Variants in SLC22A9 observed in about 807,000 individuals in gnomAD.
SLC22A9 encodes the protein organic anion transporter 7.
In SLC22A9, 64 loss-of-function variants were observed where a neutral mutation model predicts 50.1. The observed-to-expected ratio is 1.28, with a 90% confidence interval of 1.04 to 1.57. The LOEUF (loss-of-function observed/expected upper bound fraction) is 1.57. Ranked by LOEUF, SLC22A9 falls within the 40% of genes most tolerant of loss-of-function variation. SLC22A9 has a pLI of 0.00. For synonymous variants in SLC22A9, 261 were observed against 242.5 expected (o/e 1.08, Z -0.71); for missense variants, 757 against 676.1 (o/e 1.12, Z -1.33).
Position 63,373,891 on chromosome 11 carries a change from CA to C in SLC22A9, c.662-2del. On this transcript the variant is annotated splice_acceptor_variant, in intron 3 of 9. Coordinates refer to ENST00000279178, the MANE Select transcript of SLC22A9 (RefSeq NM_080866.3). LOFTEE classifies it high-confidence loss of function. Reference sequence around the variant, plus strand: ...TCAAAGCCTTATCTGTTTTTTCTTCCAGTAGCCGAGTGGGCAACACACAGAT... The same window carrying C: ...TCAAAGCCTTATCTGTTTTTTCTTCCGTAGCCGAGTGGGCAACACACAGAT... 1 of 1,610,776 alleles carries C rather than the reference CA, an allele frequency of 6.2e-7. No individual in the cohort carries two copies. The highest frequency in any genetic ancestry group is 8.5e-7 in the Non-Finnish European group (1 of 1,178,768).
intron 9 of SLC22A9, 142 bp from the exon 10 acceptor site, chr11:63,409,660 A>C: frequency 1.3e-6 from 1 of 767,796 alleles, no homozygotes; most frequent in Non-Finnish European, 2.1e-6. Flanking sequence ...AGGTTTACTC[A>C]ATCCCTTGGG....
chr11:63,399,763 A>G (rs2014923196), intron 6 of SLC22A9, among the ~76,000 whole-genome samples: 1 of 152,124 alleles, frequency 6.6e-6, no homozygotes, highest in African/African-American at 2.4e-5. Flanking sequence ...CCATCAGCAC[A>G]TGCAGCATTC....
At chr11:63,407,849 T>A (rs1374103233) in intron 7 of SLC22A9, among the ~76,000 whole-genome samples, 1 of 152,214 alleles carries the variant, frequency 6.6e-6, no homozygotes, top group Non-Finnish European at 1.5e-5. Context: ...CACGCCTCTC[T>A]CTTGCTATGG....
chr11:63,373,599 C>G, intron 2 of SLC22A9, 45 bp from the exon 3 acceptor site: 1 of 1,468,928 alleles, frequency 6.8e-7, no homozygotes, highest in Non-Finnish European at 9.0e-7. Flanking sequence ...AGTTTTTCCA[C>G]TTGTTGTTAT....
chr11:63,380,012 G>A (rs375910048), intron 5 of SLC22A9, among the ~76,000 whole-genome samples: 35 of 152,000 alleles, frequency 2.3e-4, no homozygotes, highest in Admixed American at 1.6e-3. Flanking sequence ...GATTACAAGC[G>A]TAAGCCATCG....
chr11:63,405,516 T>A (rs892507094), intron 6 of SLC22A9, among the ~76,000 whole-genome samples: 1 of 152,134 alleles, frequency 6.6e-6, no homozygotes, highest in Non-Finnish European at 1.5e-5. Context: ...AACAAAACCA[T>A]CACGAGGTTA....
At chr11:63,402,614 AC>A (rs1005100859) in intron 6 of SLC22A9, among the ~76,000 whole-genome samples, 10 of 151,842 alleles carry the variant, frequency 6.6e-5, no homozygotes, top group Admixed American at 1.3e-4. Flanking sequence ...TGTGACATTT[AC>A]CCATGTAACA....
chr11:63,408,092 T>C lies in SLC22A9; in HGVS notation c.1289-20T>C. 1.9e-6 allele frequency: 3 copies of C among 1,603,564 alleles called. No homozygotes were observed. Among genetic ancestry groups the C allele is most frequent in the Non-Finnish European group, 2.6e-6 (3 of 1,171,200 alleles). Reference sequence around the variant, plus strand: ...CTTCAGCTCAGATTTCCTGAGGCCTTGTGTTCTTCCTTTCTCCAGAAATGC... The same window carrying C: ...CTTCAGCTCAGATTTCCTGAGGCCTCGTGTTCTTCCTTTCTCCAGAAATGC... On this transcript the variant is annotated intron_variant, in intron 7 of 9. Transcript: ENST00000279178.
At chr11:63,383,985 A>G (rs984442499) in intron 6 of SLC22A9, among the ~76,000 whole-genome samples, 14 of 151,260 alleles carry the variant, frequency 9.3e-5, no homozygotes, top group African/African-American at 3.4e-4. Flanking sequence ...GGAGGTGGAG[A>G]TTGCAGTGAG....
intron 6 of SLC22A9, among the ~76,000 whole-genome samples, chr11:63,400,412 G>A (rs1179939838): frequency 6.6e-6 from 1 of 152,002 alleles, no homozygotes; most frequent in East Asian, 1.9e-4. Flanking sequence ...CCTAGAAGAG[G>A]TGGATAAATT....
At chr11:63,372,264 T>C (rs925053623) in intron 2 of SLC22A9, among the ~76,000 whole-genome samples, 1 of 152,160 alleles carries the variant, frequency 6.6e-6, no homozygotes, top group Non-Finnish European at 1.5e-5. Flanking sequence ...CAGAGTAGGC[T>C]ATGATCAAAC....
In SLC22A9 at chr11:63,393,849, G is replaced by T. The variant is rs147014335; in HGVS notation, c.1073+11572G>T. ...CTGAATTTGAATGTTGGCCTGTCTT[G>T]TTAGATTGGGGAAGTTCTCCTGGAT... On this transcript the variant is annotated intron_variant, in intron 6 of 9. Coordinates refer to ENST00000279178, the MANE Select transcript of SLC22A9 (RefSeq NM_080866.3). 5.6e-4 allele frequency among the ~76,000 whole-genome samples: 85 copies of T among 152,234 alleles called. 2 individuals are homozygous for T. The East Asian group carries it at 7.1e-3, about 13-fold the overall frequency.
In SLC22A9 at chr11:63,373,030, C is replaced by T. The variant is rs576298272; in HGVS notation, c.507-614C>T. The stretch of plus-strand genomic sequence containing the variant: ...GACATTGGTGAGAGCTGAAATCCTG[C>T]CTCACCACAGGCTATATTGTTCCAG... On this transcript the variant is annotated intron_variant, in intron 2 of 9. Coordinates refer to ENST00000279178, the MANE Select transcript of SLC22A9 (RefSeq NM_080866.3). Among the ~76,000 whole-genome samples the T allele has an allele frequency of 1.5e-4, 23 of 152,198 alleles. No individual in the cohort carries two copies. In the South Asian group the frequency reaches 4.8e-3, roughly 32 times the overall value.
In SLC22A9 at chr11:63,373,702, T is replaced by G. The variant is rs748851995; in HGVS notation, c.565T>G (p.Cys189Gly). ...CCTCCAGGTTGCCATTGTTGGCACC[T>G]GTGCAGCCTTGGCTCCCACCTTCCT... The part of the protein sequence containing the change: ...CYLQVAIVGT[C>G]AALAPTFLIY... Residue 189 changes from cysteine to glycine, a missense_variant, in exon 3 of 10, where the codon TGT becomes GGT. By Grantham distance (159) the Cys-to-Gly change is radical. Coordinates refer to ENST00000279178, the MANE Select transcript of SLC22A9 (RefSeq NM_080866.3). The G allele has an allele frequency of 6.2e-6, 10 of 1,611,230 alleles. No individual in the cohort carries two copies. The highest frequency in any genetic ancestry group is 8.5e-6 in the Non-Finnish European group (10 of 1,178,922).
Position 63,382,285 on chromosome 11 carries a change from T to A in SLC22A9, c.1073+8T>A. On this transcript the variant is annotated splice_region_variant and intron_variant, in intron 6 of 9. Transcript: ENST00000279178. ...CCTCCTGTCCTTTACGAGGTAAGCT[T>A]CATGCAGTGTTTGAGGGTAAGTTAC... 4 of 1,591,324 alleles carry A rather than the reference T, an allele frequency of 2.5e-6. No homozygotes were observed. Among genetic ancestry groups the A allele is most frequent in the Non-Finnish European group, 3.4e-6 (4 of 1,168,202 alleles).
intron 6 of SLC22A9, among the ~76,000 whole-genome samples, chr11:63,401,340 A>G (rs1331868545): frequency 6.6e-6 from 1 of 152,132 alleles, no homozygotes; most frequent in African/African-American, 2.4e-5. Flanking sequence ...CATAATTACC[A>G]TAACTATATT....
intron 5 of SLC22A9, among the ~76,000 whole-genome samples, chr11:63,378,679 A>G (rs561630105): frequency 2.6e-5 from 4 of 152,300 alleles, no homozygotes; most frequent in Non-Finnish European, 5.9e-5. Context: ...AAGTTTCAGG[A>G]TACAAAATCA....
rs1357403612 is a variant in SLC22A9 at position 63,409,820 on chromosome 11, A to T, written c.1620A>T (p.Glu540Asp). The T allele has an allele frequency of 6.2e-7, 1 of 1,613,630 alleles. No homozygotes were observed. Among genetic ancestry groups the T allele is most frequent in the Non-Finnish European group, 8.5e-7 (1 of 1,179,834 alleles). Reference sequence around the variant, plus strand: ...GTTCTAGGAGAAAAGACCCCAGAGAACCAAAGCAAGAGGATCCGAGAGTGG... The same window carrying T: ...GTTCTAGGAGAAAAGACCCCAGAGATCCAAAGCAAGAGGATCCGAGAGTGG... ...DEKNERKDPR[E>D]PKQEDPRVEV... The change falls in exon 10 of 10, where the codon GAA becomes GAT. Residue 540 changes from glutamate to aspartate, a missense_variant. Physicochemically the swap from Glu to Asp is conservative, Grantham distance 45. Transcript: ENST00000279178.
chr11:63,408,909 G>A, intron 9 of SLC22A9, 30 bp downstream of exon 9: 16 of 1,609,132 alleles, frequency 9.9e-6, no homozygotes, highest in Non-Finnish European at 1.4e-5. Flanking sequence ...GCCCCTCAGA[G>A]GATCTGTGTG....
Sources: gnomAD v4.1 joint callset for allele counts (sites outside exome capture counted in the v4.1 genomes callset) on GRCh38, gnomAD v4.1.1 for gene constraint, MANE v1.5 for transcripts, NCBI Gene and HGNC (gene_info 2026-07-23, HGNC 2026-07-21) for gene names.